Variants in TBX19 observed in about 807,000 individuals in gnomAD.
TBX19 encodes T-box transcription factor 19, also known as T-box transcription factor TBX19.
Under a neutral mutation model 40.9 loss-of-function variants are expected in TBX19, and 33 were observed. That is an observed-to-expected ratio of 0.81 (90% CI 0.61 to 1.08). TBX19 has a LOEUF of 1.08. Among genes scored for constraint, TBX19 ranks in the 50% least tolerant of loss-of-function variants. The pLI, the probability that TBX19 is intolerant of heterozygous loss-of-function variation, is 0.00. For missense variants in TBX19, 494 were observed against 574.0 expected (o/e 0.86, Z 1.42); for synonymous variants, 220 against 225.0 (o/e 0.98, Z 0.20).
intron 6 of TBX19, among the ~76,000 whole-genome samples, chr1:168,306,487 G>A (rs867773652): frequency 1.2e-4 from 18 of 152,004 alleles, no homozygotes; most frequent in African/African-American, 3.6e-4. Flanking sequence ...CTAGCCAGGC[G>A]TGGTCGTTGG....
In TBX19 at chr1:168,303,844, G is replaced by T. The variant is rs111274035; in HGVS notation, c.728-1164G>T. Among the ~76,000 whole-genome samples the T allele has an allele frequency of 2.1e-3, 320 of 152,288 alleles. 1 individual carries two copies. The highest frequency in any genetic ancestry group is 7.1e-3 in the African/African-American group (294 of 41,558). ...GTAAACTATCATGGTGCTTGTTGAA[G>T]TGTCTTTTAGCATTCTAATGCATTA... On this transcript the variant is annotated intron_variant, in intron 5 of 7. Coordinates refer to ENST00000367821, the MANE Select transcript of TBX19 (RefSeq NM_005149.3).
At chr1:168,312,595 G>A (rs2102365018) in intron 7 of TBX19, 113 bp from the exon 8 acceptor site, 3 of 1,268,936 alleles carry the variant, frequency 2.4e-6, no homozygotes, top group Non-Finnish European at 3.4e-6. Flanking sequence ...GCCATGGCCA[G>A]AAGCCCTCCT....
rs781056778 is a variant in TBX19, at chr1:168,312,749, G to A, written c.1094G>A (p.Gly365Asp). 3.0e-5 allele frequency: 49 copies of A among 1,613,952 alleles called. No individual in the cohort carries two copies. In the South Asian group the frequency reaches 5.3e-4, roughly 17 times the overall value. ...CLWTISNGAG[G>D]PSGPGPEVHA... ...TGGACCATCAGCAATGGTGCCGGAG[G>A]CCCCAGTGGGCCAGGCCCGGAGGTG... Residue 365 changes from glycine (G) to aspartate (D), a missense_variant, in exon 8 of 8, where the codon GGC becomes GAC. Transcript: ENST00000367821.
At chr1:168,281,422 C>T (rs968251094) in intron 1 of TBX19, 129 bp downstream of exon 1, 13 of 844,526 alleles carry the variant, frequency 1.5e-5, no homozygotes, top group Non-Finnish European at 2.3e-5. Flanking sequence ...CTTACAGGAA[C>T]GACTGTCTCC....
intron 7 of TBX19, among the ~76,000 whole-genome samples, chr1:168,310,784 G>T (rs545529537): frequency 1.4e-3 from 196 of 142,130 alleles, no homozygotes; most frequent in African/African-American, 5.0e-3. Context: ...TATATAATTT[G>T]TATAAAAATA....
intron 1 of TBX19, among the ~76,000 whole-genome samples, chr1:168,286,931 T>A (rs1302991885): frequency 1.3e-5 from 2 of 152,254 alleles, no homozygotes; most frequent in African/African-American, 4.8e-5. Flanking sequence ...CTAGTGGCCA[T>A]GAAGTGGCAT....
At chr1:168,306,356 G>C (rs1278671216) in intron 6 of TBX19, among the ~76,000 whole-genome samples, 1 of 152,142 alleles carries the variant, frequency 6.6e-6, no homozygotes, top group African/African-American at 2.4e-5. Flanking sequence ...GGCCGGGAGC[G>C]GTGGTTCACG....
chr1:168,304,770 A>G (rs930995873), intron 5 of TBX19, among the ~76,000 whole-genome samples: 3 of 152,228 alleles, frequency 2.0e-5, no homozygotes, highest in Admixed American at 1.3e-4. Context: ...CACTGATACA[A>G]TTTTTGCAAA....
chr1:168,312,924 A>G lies in TBX19; in HGVS notation c.1269A>G (p.Ala423=), dbSNP rs989492861. The change falls in exon 8 of 8, where the codon GCA becomes GCG. Residue 423 remains alanine (A), a synonymous_variant. Transcript: ENST00000367821. ...GCATTGCTGTGTCCACCTGGACAGC[A>G]GTGGCCTCGCATCCCTTCGCGGGCT... ...LTSIAVSTWT[A]VASHPFAGWG... 1.2e-6 allele frequency: 2 copies of G among 1,614,262 alleles called. No homozygotes were observed. The highest frequency in any genetic ancestry group is 8.5e-7 in the Non-Finnish European group (1 of 1,180,036).
intron 1 of TBX19, among the ~76,000 whole-genome samples, chr1:168,288,883 C>T (rs917833508): frequency 1.3e-5 from 2 of 152,098 alleles, no homozygotes; most frequent in African/African-American, 4.8e-5. Flanking sequence ...GCTTCAGCCT[C>T]CCCAATAGCT....
At chr1:168,304,524 G>C (rs1649354473) in intron 5 of TBX19, among the ~76,000 whole-genome samples, 1 of 152,230 alleles carries the variant, frequency 6.6e-6, no homozygotes. Context: ...ATATTGTAAA[G>C]TCTGGAATAA....
At chr1:168,306,553 G>A (rs1368574793) in intron 6 of TBX19, among the ~76,000 whole-genome samples, 1 of 149,538 alleles carries the variant, frequency 6.7e-6, no homozygotes, top group Non-Finnish European at 1.5e-5. Flanking sequence ...TTGAATCCGG[G>A]AGGCAGAGGC....
At chr1:168,300,548 C>A in intron 5 of TBX19, 65 bp downstream of exon 5, 2 of 1,463,630 alleles carry the variant, frequency 1.4e-6, no homozygotes, top group Non-Finnish European at 1.9e-6. Context: ...TCCTTCCACA[C>A]TCAGACTCTT....
intron 1 of TBX19, among the ~76,000 whole-genome samples, chr1:168,285,224 C>A (rs1336372355): frequency 6.6e-6 from 1 of 151,472 alleles, no homozygotes; most frequent in Non-Finnish European, 1.5e-5. Flanking sequence ...TGCCTGCTCA[C>A]CTTCACATAA....
At chr1:168,306,783 G>A (rs1649415440) in intron 6 of TBX19, among the ~76,000 whole-genome samples, 1 of 152,184 alleles carries the variant, frequency 6.6e-6, no homozygotes. Context: ...GTCAGGGTCT[G>A]CATTTTAACA....
intron 1 of TBX19, among the ~76,000 whole-genome samples, chr1:168,286,871 T>C (rs1171335333): frequency 6.6e-6 from 1 of 152,238 alleles, no homozygotes; most frequent in East Asian, 1.9e-4. Flanking sequence ...CCAATTTCTC[T>C]ACATCTTCAC....
intron 3 of TBX19, among the ~76,000 whole-genome samples, chr1:168,294,986 A>G (rs932809957): frequency 3.9e-5 from 6 of 151,930 alleles, no homozygotes; most frequent in Admixed American, 2.0e-4. Context: ...TTGACACTCT[A>G]ATAGGTTAAA....
At chr1:168,298,827 CTTT>C (rs1429791587) in intron 4 of TBX19, among the ~76,000 whole-genome samples, 249 of 17,150 alleles carry the variant, frequency 0.015, 43 homozygotes, top group African/African-American at 0.033. Context: ...CCCTTCCTTT[CTTT>C]CTTTCTTTCT....
chr1:168,300,794 C>G (rs573475376), intron 5 of TBX19, among the ~76,000 whole-genome samples: 10 of 152,318 alleles, frequency 6.6e-5, no homozygotes, highest in African/African-American at 2.4e-4. Context: ...GGCTTGCCTC[C>G]TAACGTTATG....
Sources: allele counts gnomAD v4.1 joint callset (sites outside exome capture counted in the v4.1 genomes callset), GRCh38; gene constraint gnomAD v4.1.1; transcripts MANE v1.5; gene names NCBI Gene and HGNC (gene_info 2026-07-23, HGNC 2026-07-21).